MGLL: variants seen among roughly 807,000 people sequenced by gnomAD.
MGLL encodes the protein lysophospholipase homolog.
MGLL carries 7 observed loss-of-function variants against 29.1 expected under a neutral mutation model. The ratio of observed to expected loss-of-function variants is 0.24; its 90% CI spans 0.14 to 0.45. The LOEUF is 0.45. MGLL is among the 20% of genes least tolerant of loss of function. The pLI, the probability that MGLL is intolerant of heterozygous loss-of-function variation, is 0.99. For synonymous variants in MGLL, 148 were observed against 168.3 expected (o/e 0.88, Z 0.93); for missense variants, 356 against 413.6 (o/e 0.86, Z 1.21).
intron 3 of MGLL, among the ~76,000 whole-genome samples, chr3:127,758,142 C>T (rs759974825): frequency 6.6e-6 from 1 of 152,278 alleles, no homozygotes; most frequent in Non-Finnish European, 1.5e-5. Context: ...ACCCCCTTTT[C>T]CCCTGGTCAT....
At chr3:127,700,262 C>T (rs1475782555) in intron 6 of MGLL, among the ~76,000 whole-genome samples, 1 of 152,162 alleles carries the variant, frequency 6.6e-6, no homozygotes, top group African/African-American at 2.4e-5. Context: ...TCCTCATTTC[C>T]CACCTTTGTC....
At chr3:127,767,253 T>C (rs1280401679) in intron 3 of MGLL, among the ~76,000 whole-genome samples, 2 of 152,184 alleles carry the variant, frequency 1.3e-5, no homozygotes, top group African/African-American at 4.8e-5. Flanking sequence ...TTTGTACTAT[T>C]GCACCCATCC....
In MGLL at chr3:127,731,331, CTTTTATTATTA is replaced by C. The variant is rs1268358603; in HGVS notation, c.263-8776_263-8766del. Among the ~76,000 whole-genome samples, 846 of 117,022 alleles carry C rather than the reference CTTTTATTATTA, an allele frequency of 7.2e-3. 8 individuals are homozygous for C. The highest frequency in any genetic ancestry group is 0.025 in the African/African-American group (758 of 30,268). 76.8% of individuals were successfully genotyped at this position (117,022 alleles called of 152,430 possible). Reference sequence around the variant, plus strand: ...CTATGCCTGGCTGCTCTCTTGGTGGCTTTTATTATTATTATTATTATTATTATTATTATTAT... The same window carrying C: ...CTATGCCTGGCTGCTCTCTTGGTGGCTTATTATTATTATTATTATTATTAT... On this transcript the variant is annotated intron_variant, in intron 3 of 7. Transcript: ENST00000265052.
chr3:127,795,956 AT>A (rs1444675027), intron 2 of MGLL, among the ~76,000 whole-genome samples: 1 of 152,204 alleles, frequency 6.6e-6, no homozygotes, highest in Non-Finnish European at 1.5e-5. Flanking sequence ...GTTCGTAATT[AT>A]TTATACATTG....
At chr3:127,768,778 C>A (rs902100072) in intron 3 of MGLL, among the ~76,000 whole-genome samples, 1 of 152,180 alleles carries the variant, frequency 6.6e-6, no homozygotes, top group African/African-American at 2.4e-5. Flanking sequence ...GGGAACCTAG[C>A]GCATCACTCA....
At chr3:127,749,250 G>C (rs1286762941) in intron 3 of MGLL, among the ~76,000 whole-genome samples, 1 of 152,142 alleles carries the variant, frequency 6.6e-6, no homozygotes, top group Non-Finnish European at 1.5e-5. Flanking sequence ...ATTAGTGACT[G>C]TCTTGACTTT....
intron 2 of MGLL, among the ~76,000 whole-genome samples, chr3:127,782,764 G>A (rs992446229): frequency 2.0e-5 from 3 of 152,134 alleles, no homozygotes; most frequent in Non-Finnish European, 4.4e-5. Flanking sequence ...AGAGGAGGAG[G>A]AGAACAAGCT....
chr3:127,701,411 C>G (rs78432927), intron 6 of MGLL, among the ~76,000 whole-genome samples: 3 of 152,118 alleles, frequency 2.0e-5, no homozygotes, highest in African/African-American at 7.2e-5. Context: ...TGCTGTCAGC[C>G]CCCAGAGGGC....
At chr3:127,714,529 G>C (rs191460036) in intron 5 of MGLL, among the ~76,000 whole-genome samples, 55 of 152,336 alleles carry the variant, frequency 3.6e-4, no homozygotes, top group South Asian at 6.2e-4. Context: ...GTGTCCCGGC[G>C]ACAATAACTG....
intron 3 of MGLL, among the ~76,000 whole-genome samples, chr3:127,758,925 C>CTTTT (rs55756082): frequency 3.0e-5 from 3 of 100,778 alleles, no homozygotes; most frequent in Admixed American, 1.0e-4. Context: ...CTTTTCTTTT[C>CTTTT]TTTTTTTTTT....
At chr3:127,714,724 C>T (rs2075782580) in intron 5 of MGLL, among the ~76,000 whole-genome samples, 1 of 152,200 alleles carries the variant, frequency 6.6e-6, no homozygotes, top group Non-Finnish European at 1.5e-5. Flanking sequence ...GTGCAAGTTA[C>T]ACCACAGAGA....
At chr3:127,766,945 C>T (rs2076868014) in intron 3 of MGLL, among the ~76,000 whole-genome samples, 2 of 152,006 alleles carry the variant, frequency 1.3e-5, no homozygotes, top group South Asian at 2.1e-4. Context: ...TTGGCATGCC[C>T]CTGTAATCCC....
chr3:127,805,572 C>T (rs1473689252), intron 2 of MGLL, among the ~76,000 whole-genome samples: 2 of 152,176 alleles, frequency 1.3e-5, no homozygotes, highest in Non-Finnish European at 2.9e-5. Context: ...GCTTATCATG[C>T]CCACCCCCCA....
chr3:127,786,719 G>A (rs1260561741), intron 2 of MGLL, among the ~76,000 whole-genome samples: 1 of 152,138 alleles, frequency 6.6e-6, no homozygotes, highest in Non-Finnish European at 1.5e-5. Flanking sequence ...GCCTCAGTTC[G>A]CTCACCCGTG....
chr3:127,755,128 A>C (rs768367255), intron 3 of MGLL, among the ~76,000 whole-genome samples: 1 of 152,178 alleles, frequency 6.6e-6, no homozygotes, highest in Non-Finnish European at 1.5e-5. Context: ...GGCCTCGTCA[A>C]CTAGGGGATG....
chr3:127,769,908 C>T (rs889969309), intron 3 of MGLL, among the ~76,000 whole-genome samples: 2 of 152,126 alleles, frequency 1.3e-5, no homozygotes, highest in South Asian at 2.1e-4. Context: ...GCTCAGTGAC[C>T]GGCGCGCGCC....
In MGLL at chr3:127,808,173, C is replaced by A. The variant is rs145652800; in HGVS notation, c.155+13521G>T. On this transcript the variant is annotated intron_variant, in intron 2 of 7. Transcript: ENST00000265052. ...GACCATTTCCAGATCTATGATGATT[C>A]TTTCAGTTGTGACAGAAAGTGATTC... is the stretch of plus-strand genomic sequence containing the variant. 5.9e-5 allele frequency among the ~76,000 whole-genome samples: 9 copies of A among 152,252 alleles called. No individual in the cohort carries two copies. The East Asian group carries it at 1.7e-3, about 29-fold the overall frequency.
intron 6 of MGLL, among the ~76,000 whole-genome samples, chr3:127,702,666 G>A (rs779982049): frequency 2.6e-5 from 4 of 152,152 alleles, no homozygotes; most frequent in African/African-American, 7.2e-5. Context: ...TAGTATGAAG[G>A]TTTGAACTCC....
chr3:127,712,326 C>A (rs1250588560), intron 5 of MGLL: 2 of 152,286 alleles, frequency 1.3e-5, no homozygotes, highest in African/African-American at 2.4e-5. Flanking sequence ...CAGGGCTAAA[C>A]CTTCCTGTGT....
Sources: gnomAD v4.1 joint callset for allele counts (sites outside exome capture counted in the v4.1 genomes callset) on GRCh38, gnomAD v4.1.1 for gene constraint, MANE v1.5 for transcripts, NCBI Gene and HGNC (gene_info 2026-07-23, HGNC 2026-07-21) for gene names.